NFAM1: variants seen among roughly 807,000 people sequenced by gnomAD.
The protein encoded by NFAM1 is NFAT activation molecule 1.
A neutral mutation model predicts 29.0 loss-of-function variants in NFAM1; 17 were observed. The ratio of observed to expected loss-of-function variants is 0.59; its 90% CI spans 0.40 to 0.88. NFAM1 has a LOEUF of 0.88. Among genes scored for constraint, NFAM1 ranks in the 40% least tolerant of loss-of-function variants. NFAM1 has a pLI of 0.00. For missense variants in NFAM1, 324 were observed against 344.6 expected, an observed-to-expected ratio of 0.94 and a Z score of 0.47; for synonymous variants, 175 against 147.2, an observed-to-expected ratio of 1.19 and a Z score of -1.36.
chr22:42,436,539 G>C (rs1002472983), upstream of NFAM1, among the ~76,000 whole-genome samples: 1 of 152,202 alleles, frequency 6.6e-6, no homozygotes, highest in African/African-American at 2.4e-5. Flanking sequence ...GACCCCACCA[G>C]AGGCAGGCAG....
At chr22:42,412,251 G>A (rs1930120926) in intron 1 of NFAM1, among the ~76,000 whole-genome samples, 1 of 151,900 alleles carries the variant, frequency 6.6e-6, no homozygotes, top group Non-Finnish European at 1.5e-5. Flanking sequence ...AAAAAAGAAA[G>A]ACAAGTCTCG....
Position 42,419,977 on chromosome 22 carries a change from A to C in NFAM1, c.122-8241T>G, listed in dbSNP as rs1930379585. Among the ~76,000 whole-genome samples the C allele has an allele frequency of 7.4e-6, 1 of 134,284 alleles. No individual in the cohort carries two copies. The highest frequency in any genetic ancestry group is 1.6e-5 in the Non-Finnish European group (1 of 64,498). 88.1% of individuals were successfully genotyped at this position (134,284 alleles called of 152,430 possible). A position where few individuals can be genotyped will look rare whatever the true frequency, so the allele number is the denominator to read the frequency against. On this transcript the variant is annotated intron_variant, in intron 1 of 5. Coordinates refer to ENST00000329021, the MANE Select transcript of NFAM1 (RefSeq NM_145912.8). This position sits in a 1 kb window ranked among gnomAD's most constrained non-coding sequence, Gnocchi z 4.5. Reference sequence around the variant, plus strand: ...TTAAGCTGGGTCCCTTTGAGTCTGTAATCCCACTCTTGGTTTTTTTTTTTT... The same window carrying C: ...TTAAGCTGGGTCCCTTTGAGTCTGTCATCCCACTCTTGGTTTTTTTTTTTT...
chr22:42,411,413 C>T lies in NFAM1; in HGVS notation c.445G>A (p.Val149Ile), dbSNP rs1235398571. 1 of 1,612,402 alleles carries T rather than the reference C, an allele frequency of 6.2e-7. No homozygotes were observed. Residue 149 changes from valine (V) to isoleucine (I), a missense_variant, in exon 2 of 6, where the codon GTC (valine) becomes ATC (isoleucine). Coordinates refer to ENST00000329021, the MANE Select transcript of NFAM1 (RefSeq NM_145912.8). ...TVRGSGTFIL[V>I]RDAGYREPPQ... ...GCCACAGAGGAAGCCTTACCTCTGA[C>T]CAGGATGAAGGTGCCGCTGCCTCTC... is the stretch of plus-strand genomic sequence containing the variant.
At position 42,382,077 on chromosome 22, in the gene NFAM1, G is replaced by C. The variant is rs1928973578; in HGVS notation, c.*3084C>G. The C allele has an allele frequency of 6.6e-6, 1 of 152,264 alleles. No individual in the cohort carries two copies. The highest frequency in any genetic ancestry group is 2.1e-4 in the South Asian group (1 of 4,838). 9.4% of individuals were successfully genotyped at this position (152,264 alleles called of 1,614,324 possible). A position where few individuals can be genotyped will look rare whatever the true frequency, so the allele number is the denominator to read the frequency against. ...TAGTGTTTGTTTGTTTGTTTATTTG[G>C]ACAGAGCGTGCTCTGTAGCCCAGGC... is the stretch of plus-strand genomic sequence containing the variant. On this transcript the variant is annotated 3_prime_UTR_variant, in exon 6 of 6. Coordinates refer to ENST00000329021, the MANE Select transcript of NFAM1 (RefSeq NM_145912.8).
upstream of NFAM1, chr22:42,432,532 T>G: frequency 1.2e-6 from 1 of 810,164 alleles, no homozygotes; most frequent in South Asian, 1.8e-5. Context: ...AACCTGGCAC[T>G]GAGACTGGTC....
At chr22:42,421,696 T>C (rs1390879986) in intron 1 of NFAM1, among the ~76,000 whole-genome samples, 1 of 152,200 alleles carries the variant, frequency 6.6e-6, no homozygotes, top group Non-Finnish European at 1.5e-5. Flanking sequence ...CAGACAACGC[T>C]GATCAAAGGT....
At chr22:42,436,001 G>C (rs1260989487), upstream of NFAM1, among the ~76,000 whole-genome samples, 4 of 151,946 alleles carry the variant, frequency 2.6e-5, no homozygotes, top group Admixed American at 2.6e-4. Flanking sequence ...TGTATTTTTA[G>C]TAGAGATAGG....
intron 3 of NFAM1, among the ~76,000 whole-genome samples, chr22:42,398,382 T>TTTATTATTA (rs202112713): frequency 0.034 from 4,234 of 125,346 alleles, 86 homozygotes; most frequent in South Asian, 0.063. Context: ...CTTGGTTTTA[T>TTTATTATTA]TTATTATTAT....
At chr22:42,398,041 A>G in intron 3 of NFAM1, 85 bp from the exon 4 acceptor site, 2 of 695,788 alleles carry the variant, frequency 2.9e-6, no homozygotes, top group Non-Finnish European at 4.9e-6. Context: ...AGGATGGCAG[A>G]TTGTCATGAG....
chr22:42,401,454 G>T (rs2147100396), intron 3 of NFAM1, among the ~76,000 whole-genome samples: 1 of 152,220 alleles, frequency 6.6e-6, no homozygotes, highest in Non-Finnish European at 1.5e-5. Context: ...GATGCGGGGT[G>T]GACTGTAGGT....
intron 4 of NFAM1, among the ~76,000 whole-genome samples, chr22:42,394,378 T>G (rs1929450216): frequency 6.6e-6 from 1 of 151,906 alleles, no homozygotes; most frequent in South Asian, 2.1e-4. Flanking sequence ...AAAAAAAAAT[T>G]TTAATGGGGT....
At chr22:42,415,343 A>G (rs1448548432) in intron 1 of NFAM1, among the ~76,000 whole-genome samples, 1 of 126,734 alleles carries the variant, frequency 7.9e-6, no homozygotes, top group Non-Finnish European at 1.5e-5. Context: ...TCTGTCGCCC[A>G]GGCTGGAGTG....
At chr22:42,394,027 T>G (rs1929436113) in intron 4 of NFAM1, among the ~76,000 whole-genome samples, 1 of 152,006 alleles carries the variant, frequency 6.6e-6, no homozygotes, top group Admixed American at 6.6e-5. Context: ...TTCCATATCC[T>G]TATTTTTATT....
At chr22:42,432,013 G>A (rs1296676863) in intron 1 of NFAM1, among the ~76,000 whole-genome samples, 1 of 152,184 alleles carries the variant, frequency 6.6e-6, no homozygotes, top group Non-Finnish European at 1.5e-5. Flanking sequence ...AGCAGCGAGG[G>A]AGAGAGCGCT....
Position 42,382,547 on chromosome 22 carries a change from A to T in NFAM1, c.*2614T>A, listed in dbSNP as rs953704960. 6.6e-6 allele frequency: 1 copy of T among 152,168 alleles called. No homozygotes were observed. Among genetic ancestry groups the T allele is most frequent in the Non-Finnish European group, 1.5e-5 (1 of 68,070 alleles). The allele number at this position is 152,168 out of a possible 1,614,324, so 9.4% of individuals were successfully genotyped here. A position where few individuals can be genotyped will look rare whatever the true frequency, so the allele number is the denominator to read the frequency against. On this transcript the variant is annotated 3_prime_UTR_variant, in exon 6 of 6. Coordinates refer to ENST00000329021, the MANE Select transcript of NFAM1 (RefSeq NM_145912.8). ...ATAGTGGAAAGCAAGCCTGCACCCC[A>T]GGAGCTCCCATTCATACCCTCTCTG...
At chr22:42,410,764 C>T (rs1325816067) in intron 2 of NFAM1, among the ~76,000 whole-genome samples, 1 of 152,074 alleles carries the variant, frequency 6.6e-6, no homozygotes, top group East Asian at 1.9e-4. Context: ...CCCACAAATA[C>T]ATACATGCAC....
In NFAM1 at chr22:42,385,220, C is replaced by T; in HGVS notation, c.754G>A (p.Glu252Lys). ...PTAKQSPLSQ[E>K]RPHRFEDDGE... is the part of the protein sequence containing the mutation. Reference sequence around the variant, plus strand: ...TCATCTTCGAATCTATGCGGTCTCTCCTGGATAGAAAAGAAGAAAGGGAGG... The same window carrying T: ...TCATCTTCGAATCTATGCGGTCTCTTCTGGATAGAAAAGAAGAAAGGGAGG... Residue 252 changes from glutamate to lysine, a missense_variant and splice_region_variant, in exon 6 of 6, where the codon GAG becomes AAG. Glu to Lys is a moderately conservative substitution (Grantham distance 56, BLOSUM62 1). Coordinates refer to ENST00000329021, the MANE Select transcript of NFAM1 (RefSeq NM_145912.8). The T allele has an allele frequency of 6.2e-7, 1 of 1,603,778 alleles. No individual in the cohort carries two copies. The highest frequency in any genetic ancestry group is 1.7e-5 in the Admixed American group (1 of 60,014).
At chr22:42,412,120 T>G (rs1030936424) in intron 1 of NFAM1, among the ~76,000 whole-genome samples, 4 of 151,920 alleles carry the variant, frequency 2.6e-5, no homozygotes, top group African/African-American at 9.7e-5. Flanking sequence ...TAATCCCAGC[T>G]ACTCGGGAGA....
At chr22:42,433,134 C>T (rs758374808), upstream of NFAM1, among the ~76,000 whole-genome samples, 7 of 152,194 alleles carry the variant, frequency 4.6e-5, no homozygotes, top group Admixed American at 6.5e-5. Flanking sequence ...CAGCCGGGGA[C>T]AGGAATTGTT....
Sources: allele counts gnomAD v4.1 joint callset (sites outside exome capture counted in the v4.1 genomes callset), GRCh38; gene constraint gnomAD v4.1.1; non-coding constraint Gnocchi (gnomAD v3.1); transcripts MANE v1.5; gene names NCBI Gene and HGNC (gene_info 2026-07-23, HGNC 2026-07-21).